CFAP43: variants seen among roughly 807,000 people sequenced by gnomAD.
The protein encoded by CFAP43 is cilia and flagella associated protein 43.
A neutral mutation model predicts 218.9 loss-of-function variants in CFAP43; 155 were observed. The ratio of observed to expected loss-of-function variants is 0.71; its 90% CI spans 0.62 to 0.81. The LOEUF (loss-of-function observed/expected upper bound fraction) is 0.81. Among genes scored for constraint, CFAP43 ranks in the 30% least tolerant of loss-of-function variants. The probability of loss-of-function intolerance (pLI) is 0.00; values close to 1 mark genes in which losing one functional copy is unlikely to be tolerated. For missense variants in CFAP43, 1,778 were observed against 1,954.3 expected (o/e 0.91, Z 1.70); for synonymous variants, 645 against 681.3 (o/e 0.95, Z 0.83).
At chr10:104,190,726 A>T (rs2090183978) in intron 12 of CFAP43, among the ~76,000 whole-genome samples, 1 of 152,182 alleles carries the variant, frequency 6.6e-6, no homozygotes, top group African/African-American at 2.4e-5. Flanking sequence ...TTCCTTTCGC[A>T]TCAAATACCA....
intron 20 of CFAP43, 27 bp downstream of exon 20, chr10:104,172,383 T>G: frequency 3.1e-6 from 5 of 1,598,278 alleles, no homozygotes; most frequent in Non-Finnish European, 4.2e-6. Flanking sequence ...CATAACTTTA[T>G]GGTGCTTAAA....
intron 31 of CFAP43, among the ~76,000 whole-genome samples, chr10:104,144,312 AAGG>A (rs2087849926): frequency 6.6e-6 from 1 of 152,310 alleles, no homozygotes; most frequent in Admixed American, 6.5e-5. Flanking sequence ...CTTTTTCCAC[AAGG>A]AGAAGGTATG....
In CFAP43 at chr10:104,164,091, T is replaced by C; in HGVS notation, c.3246+3A>G. On this transcript the variant is annotated splice_donor_region_variant and intron_variant, in intron 24 of 37. Coordinates refer to ENST00000357060, the MANE Select transcript of CFAP43 (RefSeq NM_025145.7). ...GGGAAAGGAGAACACAGCTAGCCAG[T>C]ACCTCCTCATCTTGCACAACAAGCG... 3 of 1,614,068 alleles carry C rather than the reference T, an allele frequency of 1.9e-6. No homozygotes were observed. Among genetic ancestry groups the C allele is most frequent in the Non-Finnish European group, 1.7e-6 (2 of 1,179,966 alleles).
rs756011028 is a variant in CFAP43, at chr10:104,131,322, C to G, written c.4831+9G>C. ...CTACAGTTGGTTAAAGAAAAAAAAG[C>G]ATGCTTACCCATTGCATTACAGATG... On this transcript the variant is annotated intron_variant, in intron 37 of 37. Transcript: ENST00000357060. 6.3e-7 allele frequency: 1 copy of G among 1,596,366 alleles called. No individual in the cohort carries two copies. Among genetic ancestry groups the G allele is most frequent in the South Asian group, 1.2e-5 (1 of 86,458 alleles).
chr10:104,230,310 C>A (rs2091416008), intron 2 of CFAP43, among the ~76,000 whole-genome samples: 2 of 151,836 alleles, frequency 1.3e-5, no homozygotes, highest in South Asian at 4.2e-4. Flanking sequence ...ACTAAAAATA[C>A]AAAAATTAGC....
intron 35 of CFAP43, chr10:104,132,552 T>A: frequency 1.4e-6 from 1 of 725,580 alleles, no homozygotes; most frequent in Non-Finnish European, 1.7e-6. Flanking sequence ...GAGGTGGAGG[T>A]TGTAGTGAGC....
chr10:104,172,365 TCTTTCATCATAA>T, intron 20 of CFAP43, 33 bp downstream of exon 20: 1 of 1,580,844 alleles, frequency 6.3e-7, no homozygotes, highest in Non-Finnish European at 8.5e-7. Context: ...TCTTTTTACT[TCTTTCATCATAA>T]CTTTATGGTG....
chr10:104,166,864 C>T lies in CFAP43; in HGVS notation c.2809-146G>A, dbSNP rs2089182847. The stretch of plus-strand genomic sequence containing the variant: ...ACTGAATTCGAAGTGATGAATAGAT[C>T]CCAGAACTGCTGCAGAAGAGATTAA... On this transcript the variant is annotated intron_variant, in intron 22 of 37. Coordinates refer to ENST00000357060, the MANE Select transcript of CFAP43 (RefSeq NM_025145.7). The T allele has an allele frequency of 7.5e-6, 5 of 667,442 alleles. No homozygotes were observed. In the South Asian group the frequency reaches 1.0e-4, roughly 13 times the overall value. 41.3% of individuals were successfully genotyped at this position (667,442 alleles called of 1,614,324 possible).
At chr10:104,165,681 A>G (rs1202649875) in intron 23 of CFAP43, among the ~76,000 whole-genome samples, 1 of 150,898 alleles carries the variant, frequency 6.6e-6, no homozygotes, top group Admixed American at 6.6e-5. Flanking sequence ...GTATTCTAAG[A>G]CTGTTTGGTG....
rs768752056 is a variant in CFAP43 at position 104,162,354 on chromosome 10, A to T, written c.3296T>A (p.Ile1099Asn). The T allele has an allele frequency of 2.5e-6, 4 of 1,614,190 alleles. No homozygotes were observed. Among genetic ancestry groups the T allele is most frequent in the Non-Finnish European group, 3.4e-6 (4 of 1,180,008 alleles). Residue 1099 changes from isoleucine to asparagine, a missense_variant, in exon 25 of 38, where the codon ATC becomes AAC. By Grantham distance (149) the Ile-to-Asn change is moderately radical. Around this residue, in one of 3 missense-constraint regions of CFAP43, gnomAD observed 1,553 missense variants for 1,685.2 expected, o/e 0.92. Transcript: ENST00000357060. ...CCAGTGCTCCTTTTCATGATTCACG[A>T]TCAATTCTTTGGCTTTGTGCCACGG... is the stretch of plus-strand genomic sequence containing the variant. Reference protein sequence around the residue: ...IKPWHKAKELIVNHEKEHWLL... With the variant: ...IKPWHKAKELNVNHEKEHWLL...
chr10:104,209,856 C>T (rs1166337885), intron 5 of CFAP43, among the ~76,000 whole-genome samples: 1 of 152,204 alleles, frequency 6.6e-6, no homozygotes, highest in Non-Finnish European at 1.5e-5. Flanking sequence ...ACAGTATCCA[C>T]AGGGGATGGG....
At chr10:104,187,659 A>G (rs1039593845) in intron 13 of CFAP43, among the ~76,000 whole-genome samples, 167 bp from the exon 14 acceptor site, 4 of 152,266 alleles carry the variant, frequency 2.6e-5, no homozygotes, top group African/African-American at 4.8e-5. Flanking sequence ...CTCCCTAGAA[A>G]TACTTGAGTA....
intron 27 of CFAP43, among the ~76,000 whole-genome samples, chr10:104,159,558 T>C (rs1246220): frequency 0.28 from 42,346 of 151,994 alleles, 8,460 homozygotes; most frequent in African/African-American, 0.58. Context: ...AGGACCAGGC[T>C]TAGGTGGATG....
intron 26 of CFAP43, 55 bp from the exon 27 acceptor site, chr10:104,161,217 C>A: frequency 1.3e-6 from 2 of 1,555,568 alleles, no homozygotes; most frequent in South Asian, 1.2e-5. Flanking sequence ...TGCAGTAGTA[C>A]AGTAAAAGCT....
At chr10:104,223,259 T>C (rs1007486846) in intron 3 of CFAP43, among the ~76,000 whole-genome samples, 7 of 152,196 alleles carry the variant, frequency 4.6e-5, no homozygotes, top group Admixed American at 2.6e-4. Context: ...TAACTTTTTC[T>C]CTAAATTTTT....
chr10:104,190,724 G>A lies in CFAP43; in HGVS notation c.1546+1475C>T, dbSNP rs78790560. ...GAGTCATCACTTATCCCTTCCTTTC[G>A]CATCAAATACCAAGTCCTACCAATT... On this transcript the variant is annotated intron_variant, in intron 12 of 37. Coordinates refer to ENST00000357060, the MANE Select transcript of CFAP43 (RefSeq NM_025145.7). Among the ~76,000 whole-genome samples the A allele has an allele frequency of 3.2e-3, 487 of 152,108 alleles. 10 individuals are homozygous for A. In the East Asian group the frequency reaches 0.054, roughly 17 times the overall value.
At chr10:104,221,858 C>G (rs917160652) in intron 3 of CFAP43, among the ~76,000 whole-genome samples, 2 of 152,058 alleles carry the variant, frequency 1.3e-5, no homozygotes, top group Non-Finnish European at 2.9e-5. Context: ...AATGCACTAA[C>G]CCATTGGAAA....
chr10:104,179,198 G>C, intron 18 of CFAP43, 92 bp from the exon 19 acceptor site: 1 of 1,131,242 alleles, frequency 8.8e-7, no homozygotes, highest in Non-Finnish European at 1.3e-6. Flanking sequence ...TCTAGAAACA[G>C]AAACTAAAAT....
At chr10:104,212,941 C>T (rs556286890) in intron 4 of CFAP43, among the ~76,000 whole-genome samples, 31 of 152,292 alleles carry the variant, frequency 2.0e-4, no homozygotes, top group African/African-American at 6.5e-4. Flanking sequence ...ACAATCCACT[C>T]GTTTTATCTC....
Sources: allele counts gnomAD v4.1 joint callset (sites outside exome capture counted in the v4.1 genomes callset), GRCh38; gene constraint gnomAD v4.1.1; regional missense constraint gnomAD v4.1.1; transcripts MANE v1.5; gene names NCBI Gene and HGNC (gene_info 2026-07-23, HGNC 2026-07-21).